Variants in DCPS observed in about 807,000 individuals in gnomAD.
DCPS encodes decapping enzyme, scavenger.
Under a neutral mutation model 34.7 loss-of-function variants are expected in DCPS, and 27 were observed. The ratio of observed to expected loss-of-function variants is 0.78; its 90% CI spans 0.57 to 1.07. The LOEUF is 1.07. Ranked by LOEUF, DCPS falls within the 50% of genes least tolerant of loss-of-function variation. The probability of loss-of-function intolerance (pLI) is 0.00; values close to 1 mark genes in which losing one functional copy is unlikely to be tolerated. For missense variants in DCPS, 464 were observed against 436.9 expected (o/e 1.06, Z -0.55); for synonymous variants, 185 against 185.7 (o/e 1.00, Z 0.03).
At position 126,329,988 on chromosome 11, in the gene DCPS, C is replaced by T. The variant is rs1951770180; in HGVS notation, c.377-1417C>T. Among the ~76,000 whole-genome samples the T allele has an allele frequency of 6.6e-6, 1 of 152,078 alleles. No individual in the cohort carries two copies. Among genetic ancestry groups the T allele is most frequent in the African/African-American group, 2.4e-5 (1 of 41,394 alleles). ...GATCCAAGCTGATTTGGAAATACCC[C>T]TAAGATCTATGTTAAAACACAATGT... On this transcript the variant is annotated intron_variant, in intron 2 of 5. Coordinates refer to ENST00000263579, the MANE Select transcript of DCPS (RefSeq NM_014026.6). The surrounding 1 kb of genome is among the most constrained non-coding windows in gnomAD (Gnocchi z 5.0).
intron 1 of DCPS, among the ~76,000 whole-genome samples, chr11:126,305,302 TGGG>T (rs1565369755): frequency 6.9e-6 from 1 of 145,276 alleles, no homozygotes; most frequent in African/African-American, 2.6e-5. Context: ...TTAGTAGAGA[TGGG>T]GGTTTCACCA....
chr11:126,326,202 A>G (rs925933754), intron 2 of DCPS, among the ~76,000 whole-genome samples: 3 of 152,198 alleles, frequency 2.0e-5, no homozygotes, highest in Non-Finnish European at 2.9e-5. Context: ...GCTACCAGGA[A>G]GAGCTCTGGG....
chr11:126,327,937 C>T lies in DCPS; in HGVS notation c.377-3468C>T, dbSNP rs181136878. On this transcript the variant is annotated intron_variant, in intron 2 of 5. Coordinates refer to ENST00000263579, the MANE Select transcript of DCPS (RefSeq NM_014026.6). The surrounding 1 kb of genome is among the most constrained non-coding windows in gnomAD (Gnocchi z 4.1). ...GAGTGAGAAGTGAAGAGGAAGCAAG[C>T]TGGTGGAGGAGACAGAGGACCCCGA... Among the ~76,000 whole-genome samples the T allele has an allele frequency of 3.3e-5, 5 of 152,340 alleles. No homozygotes were observed. The highest frequency in any genetic ancestry group is 2.6e-4 in the Admixed American group (4 of 15,300).
At chr11:126,308,295 T>G (rs945472365) in intron 2 of DCPS, among the ~76,000 whole-genome samples, 1 of 152,236 alleles carries the variant, frequency 6.6e-6, no homozygotes, top group Non-Finnish European at 1.5e-5. Context: ...GGTGACTTTG[T>G]CATATCCTTC....
chr11:126,338,060 A>G lies in DCPS; in HGVS notation c.523-226A>G. 3 of 556,368 alleles carry G rather than the reference A, an allele frequency of 5.4e-6. No homozygotes were observed. The highest frequency in any genetic ancestry group is 2.0e-5 in the South Asian group (1 of 49,258). The allele number at this position is 556,368 out of a possible 1,614,324, so 34.5% of individuals were successfully genotyped here. ...GCTGCAGAGACCCTTGTGATGACGC[A>G]TGGCTGAGTGCCAGCTGGAGTGGGA... On this transcript the variant is annotated intron_variant, in intron 3 of 5. Coordinates refer to ENST00000263579, the MANE Select transcript of DCPS (RefSeq NM_014026.6). This position sits in a 1 kb window ranked among gnomAD's most constrained non-coding sequence, Gnocchi z 5.4.
chr11:126,339,585 G>A (rs901662350), intron 4 of DCPS, among the ~76,000 whole-genome samples: 2 of 152,236 alleles, frequency 1.3e-5, no homozygotes, highest in African/African-American at 2.4e-5. Flanking sequence ...GGGATTTTCC[G>A]AAGTTGCAGC....
At position 126,345,299 on chromosome 11, in the gene DCPS, C is replaced by T. The variant is rs1233673147; in HGVS notation, c.748-48C>T. ...GTCTAGGTGGGGACATGGCGCCGGG[C>T]CTCAGGCAGCACGGTGACTCCTGAC... On this transcript the variant is annotated intron_variant, in intron 5 of 5. Transcript: ENST00000263579. The surrounding 1 kb of genome is among the most constrained non-coding windows in gnomAD (Gnocchi z 7.4). The T allele has an allele frequency of 6.2e-7, 1 of 1,605,078 alleles. No homozygotes were observed.
chr11:126,317,236 G>C lies in DCPS; in HGVS notation c.376+10492G>C, dbSNP rs994057772. On this transcript the variant is annotated intron_variant, in intron 2 of 5. Coordinates refer to ENST00000263579, the MANE Select transcript of DCPS (RefSeq NM_014026.6). ...GGCCTCCCAAAGTGCTGGGATTACA[G>C]GCGTGAGCCACTGCACCCGGCCTCC... 2.0e-5 allele frequency among the ~76,000 whole-genome samples: 3 copies of C among 151,480 alleles called. No individual in the cohort carries two copies. The East Asian group carries it at 5.8e-4, about 29-fold the overall frequency.
chr11:126,311,524 A>G (rs1366674794), intron 2 of DCPS, among the ~76,000 whole-genome samples: 2 of 152,216 alleles, frequency 1.3e-5, no homozygotes, highest in African/African-American at 4.8e-5. Context: ...GCCTACTCAG[A>G]CCAGGGCTCT....
Position 126,350,002 on chromosome 11 carries a change from C to G in DCPS, c.*4389C>G, listed in dbSNP as rs191370781. The stretch of plus-strand genomic sequence containing the variant: ...AATAAACAGGCTTTGAGCATCTACC[C>G]CCACCCCCTTTTGGTTTTTTTGCAA... On this transcript the variant is annotated 3_prime_UTR_variant, in exon 6 of 6. Transcript: ENST00000263579. This position sits in a 1 kb window ranked among gnomAD's most constrained non-coding sequence, Gnocchi z 5.0. 6.6e-6 allele frequency among the ~76,000 whole-genome samples: 1 copy of G among 152,306 alleles called. No individual in the cohort carries two copies. Among genetic ancestry groups the G allele is most frequent in the African/African-American group, 2.4e-5 (1 of 41,566 alleles).
At position 126,304,297 on chromosome 11, in the gene DCPS, C is replaced by A. The variant is rs776346979; in HGVS notation, c.201+16C>A. The stretch of plus-strand genomic sequence containing the variant: ...ACACGGGAAGGTACCAGGAGGCAAC[C>A]CTGAGGTGGGATGCGGGAAGCAGTG... On this transcript the variant is annotated intron_variant, in intron 1 of 5. Transcript: ENST00000263579. 51 of 1,613,430 alleles carry A rather than the reference C, an allele frequency of 3.2e-5. No homozygotes were observed. In the South Asian group the frequency reaches 4.7e-4, roughly 15 times the overall value.
At chr11:126,341,789 A>C (rs1250228912) in intron 4 of DCPS, 2 of 152,246 alleles carry the variant, frequency 1.3e-5, no homozygotes, top group Non-Finnish European at 2.9e-5. Flanking sequence ...AGGCCATGAG[A>C]GAGTACACAG....
At position 126,345,570 on chromosome 11, in the gene DCPS, A is replaced by T. The variant is rs2135340475; in HGVS notation, c.971A>T (p.Asp324Val). 6.2e-7 allele frequency: 1 copy of T among 1,613,812 alleles called. No individual in the cohort carries two copies. The highest frequency in any genetic ancestry group is 1.1e-5 in the South Asian group (1 of 91,086). The change falls in exon 6 of 6, where the codon GAC becomes GTC. Residue 324 changes from aspartate to valine, a missense_variant. Physicochemically the swap from Asp to Val is radical, Grantham distance 152. Coordinates refer to ENST00000263579, the MANE Select transcript of DCPS (RefSeq NM_014026.6). The surrounding 1 kb of genome is among the most constrained non-coding windows in gnomAD (Gnocchi z 7.4). ...QRTLTFALRA[D>V]DPLLKLLQEA... ...ACGCTCACCTTCGCCCTCAGGGCTG[A>T]CGACCCCCTGCTCAAGCTCTTGCAG...
In DCPS at chr11:126,345,630, G is replaced by A; in HGVS notation, c.*17G>A. 1 of 1,604,032 alleles carries A rather than the reference G, an allele frequency of 6.2e-7. No individual in the cohort carries two copies. ...CAAAGCTGAATTAACTCAGGCAGAA[G>A]AGCACAGATGTGTGGGATTGGGGGA... On this transcript the variant is annotated 3_prime_UTR_variant, in exon 6 of 6. Transcript: ENST00000263579. This position sits in a 1 kb window ranked among gnomAD's most constrained non-coding sequence, Gnocchi z 7.4.
chr11:126,318,054 C>T (rs993427606), intron 2 of DCPS, among the ~76,000 whole-genome samples: 1 of 152,190 alleles, frequency 6.6e-6, no homozygotes, highest in Non-Finnish European at 1.5e-5. Flanking sequence ...CTCCCTACCC[C>T]CTCTGCTTTC....
rs1429193590 is a variant in DCPS at position 126,331,486 on chromosome 11, A to G, written c.458A>G (p.Glu153Gly). 4.3e-6 allele frequency: 7 copies of G among 1,614,014 alleles called. No homozygotes were observed. Among genetic ancestry groups the G allele is most frequent in the Non-Finnish European group, 5.9e-6 (7 of 1,180,032 alleles). Residue 153 changes from glutamate (E) to glycine (G), a missense_variant, in exon 3 of 6, where the codon GAG becomes GGG. Transcript: ENST00000263579. The surrounding 1 kb of genome is among the most constrained non-coding windows in gnomAD (Gnocchi z 7.2). ...CGCCAGGACCTCCGCCTGATCCGAG[A>G]GACGGGAGATGACTACAGGAATATT... ...YLRQDLRLIR[E>G]TGDDYRNITL...
At position 126,322,458 on chromosome 11, in the gene DCPS, T is replaced by C. The variant is rs1951714922; in HGVS notation, c.377-8947T>C. ...TTTGTATTTTTAGTAGAGATGGGGT[T>C]TCGCCATGTTGGCCAAGTTGGTCTT... On this transcript the variant is annotated intron_variant, in intron 2 of 5. Coordinates refer to ENST00000263579, the MANE Select transcript of DCPS (RefSeq NM_014026.6). This position sits in a 1 kb window ranked among gnomAD's most constrained non-coding sequence, Gnocchi z 4.2. Among the ~76,000 whole-genome samples the C allele has an allele frequency of 6.6e-6, 1 of 152,036 alleles. No individual in the cohort carries two copies. Among genetic ancestry groups the C allele is most frequent in the Non-Finnish European group, 1.5e-5 (1 of 68,004 alleles).
rs111802253 is a variant in DCPS at position 126,319,754 on chromosome 11, G to A, written c.377-11651G>A. ...GCCCCAGCACAGGTATCTTAGGAAC[G>A]GCCCGAAAGAGGTTGGGCCTTTGGG... On this transcript the variant is annotated intron_variant, in intron 2 of 5. Coordinates refer to ENST00000263579, the MANE Select transcript of DCPS (RefSeq NM_014026.6). This position sits in a 1 kb window ranked among gnomAD's most constrained non-coding sequence, Gnocchi z 4.5. 0.034 allele frequency among the ~76,000 whole-genome samples: 5,100 copies of A among 152,200 alleles called. 135 individuals are homozygous for A. The highest frequency in any genetic ancestry group is 0.046 in the Non-Finnish European group (3,140 of 68,006).
chr11:126,324,980 C>G (rs1314358424), intron 2 of DCPS, among the ~76,000 whole-genome samples: 1 of 151,986 alleles, frequency 6.6e-6, no homozygotes, highest in Non-Finnish European at 1.5e-5. Flanking sequence ...GTCAGGAGTT[C>G]GAGACCAGCC....
Sources: gnomAD v4.1 joint callset for allele counts (sites outside exome capture counted in the v4.1 genomes callset) on GRCh38, gnomAD v4.1.1 for gene constraint, Gnocchi (gnomAD v3.1) non-coding constraint, MANE v1.5 for transcripts, NCBI Gene and HGNC (gene_info 2026-07-23, HGNC 2026-07-21) for gene names.